Variants in TBC1D22A observed in about 807,000 individuals in gnomAD.
TBC1D22A encodes the protein TBC1 domain family member 22A.
A neutral mutation model predicts 60.2 loss-of-function variants in TBC1D22A; 38 were observed. The ratio of observed to expected loss-of-function variants is 0.63; its 90% CI spans 0.49 to 0.83. The LOEUF (loss-of-function observed/expected upper bound fraction) is 0.83, where lower values mean the gene tolerates loss of function less well. TBC1D22A is among the 40% of genes least tolerant of loss of function. The probability of loss-of-function intolerance (pLI) is 0.00; values close to 1 mark genes in which losing one functional copy is unlikely to be tolerated. For missense variants in TBC1D22A, 628 were observed against 701.0 expected (o/e 0.90, Z 1.18); for synonymous variants, 302 against 281.7 (o/e 1.07, Z -0.72).
chr22:47,057,234 G>A (rs2063423808), intron 11 of TBC1D22A, among the ~76,000 whole-genome samples: 1 of 152,224 alleles, frequency 6.6e-6, no homozygotes, highest in African/African-American at 2.4e-5. Context: ...TGAGCGCTGG[G>A]CAGCTGGCTG....
intron 4 of TBC1D22A, among the ~76,000 whole-genome samples, chr22:46,814,768 C>A (rs1194860098): frequency 6.6e-6 from 1 of 151,790 alleles, no homozygotes; most frequent in African/African-American, 2.4e-5. Flanking sequence ...TGCATCAGCT[C>A]CCGAGTAGCT....
At chr22:47,041,590 G>A (rs1452704953) in intron 11 of TBC1D22A, among the ~76,000 whole-genome samples, 1 of 152,212 alleles carries the variant, frequency 6.6e-6, no homozygotes, top group Non-Finnish European at 1.5e-5. Flanking sequence ...CGGAAGCCCT[G>A]GTGGGTCCAT....
At chr22:46,787,998 G>A (rs1170036093) in intron 1 of TBC1D22A, among the ~76,000 whole-genome samples, 1 of 149,938 alleles carries the variant, frequency 6.7e-6, no homozygotes, top group Non-Finnish European at 1.5e-5. Flanking sequence ...GTGCAGGGGC[G>A]TGATCTCGGC....
At chr22:46,811,646 CT>C (rs1279460766) in intron 4 of TBC1D22A, among the ~76,000 whole-genome samples, 1 of 152,232 alleles carries the variant, frequency 6.6e-6, no homozygotes, top group Non-Finnish European at 1.5e-5. Flanking sequence ...TTCCTAGAGA[CT>C]TACAGAGGCT....
chr22:46,995,899 G>A (rs115574191), intron 9 of TBC1D22A, among the ~76,000 whole-genome samples: 2,743 of 152,218 alleles, frequency 0.018, 64 homozygotes, highest in African/African-American at 0.054. Flanking sequence ...TGCTTGAACC[G>A]TTTTCCAGTC....
intron 10 of TBC1D22A, among the ~76,000 whole-genome samples, chr22:47,020,228 C>T (rs1021401678): frequency 1.3e-5 from 2 of 152,196 alleles, no homozygotes; most frequent in Non-Finnish European, 2.9e-5. Flanking sequence ...CTGCCCCTGC[C>T]TCACACAACC....
chr22:47,059,681 G>A (rs924031616), intron 11 of TBC1D22A, among the ~76,000 whole-genome samples: 1 of 152,252 alleles, frequency 6.6e-6, no homozygotes, highest in African/African-American at 2.4e-5. Flanking sequence ...CCCTCTCTCT[G>A]TCATGAGCTA....
At chr22:47,138,171 G>A (rs1358524598) in intron 12 of TBC1D22A, among the ~76,000 whole-genome samples, 5 of 152,286 alleles carry the variant, frequency 3.3e-5, no homozygotes, top group Middle Eastern at 3.4e-3. Context: ...GCTGTCTCAC[G>A]GCCCATCACT....
At chr22:46,991,765 G>A (rs187737977) in intron 9 of TBC1D22A, among the ~76,000 whole-genome samples, 6 of 152,144 alleles carry the variant, frequency 3.9e-5, no homozygotes, top group South Asian at 2.1e-4. Flanking sequence ...TGACTCCGAC[G>A]TGGCCTTCCA....
In TBC1D22A at chr22:46,855,662, C is replaced by T. The variant is rs758485558; in HGVS notation, c.638-22991C>T. Among the ~76,000 whole-genome samples the T allele has an allele frequency of 5.3e-5, 8 of 152,164 alleles. No homozygotes were observed. In the South Asian group the frequency reaches 1.0e-3, roughly 20 times the overall value. On this transcript the variant is annotated intron_variant, in intron 4 of 12. Coordinates refer to ENST00000337137, the MANE Select transcript of TBC1D22A (RefSeq NM_014346.5). ...GGATTGATGGGGTTCTAGACAGAAG[C>T]GCTCTGGGGCACCAGATCCAGGCTC...
intron 4 of TBC1D22A, among the ~76,000 whole-genome samples, chr22:46,870,275 T>C (rs989407428): frequency 2.0e-5 from 3 of 152,254 alleles, no homozygotes; most frequent in Non-Finnish European, 4.4e-5. Flanking sequence ...TACCCTCTGC[T>C]CTCTGTCTGC....
chr22:46,879,421 C>T (rs867062169), intron 5 of TBC1D22A, among the ~76,000 whole-genome samples: 5 of 152,118 alleles, frequency 3.3e-5, no homozygotes, highest in African/African-American at 1.2e-4. Context: ...CTTCTCTTTT[C>T]CTTTTTCATT....
At chr22:47,006,601 T>G (rs887178004) in intron 10 of TBC1D22A, among the ~76,000 whole-genome samples, 2 of 152,236 alleles carry the variant, frequency 1.3e-5, no homozygotes, top group Non-Finnish European at 2.9e-5. Flanking sequence ...GCCCCGTTGA[T>G]CTGACCCTGT....
At chr22:47,130,797 T>G (rs2066653412) in intron 12 of TBC1D22A, among the ~76,000 whole-genome samples, 1 of 152,202 alleles carries the variant, frequency 6.6e-6, no homozygotes, top group South Asian at 2.1e-4. Flanking sequence ...GTTTCCGGAG[T>G]ACCTACTAGA....
At chr22:46,949,912 G>A (rs2072795888) in intron 8 of TBC1D22A, among the ~76,000 whole-genome samples, 1 of 152,258 alleles carries the variant, frequency 6.6e-6, no homozygotes, top group South Asian at 2.1e-4. Context: ...TGGGGCTGGA[G>A]CAGCCTGAGC....
intron 7 of TBC1D22A, among the ~76,000 whole-genome samples, chr22:46,902,873 T>C (rs2069104215): frequency 6.7e-6 from 1 of 150,308 alleles, no homozygotes; most frequent in South Asian, 2.1e-4. Context: ...TGAAGACAGA[T>C]GTGCGTGAAA....
At chr22:46,802,232 C>T (rs898681644) in intron 4 of TBC1D22A, among the ~76,000 whole-genome samples, 14 of 152,326 alleles carry the variant, frequency 9.2e-5, no homozygotes, top group Admixed American at 7.2e-4. Flanking sequence ...GCGAGGCTTG[C>T]GAGGGCCCTG....
At chr22:46,770,379 G>A (rs1345554082) in intron 1 of TBC1D22A, among the ~76,000 whole-genome samples, 1 of 152,250 alleles carries the variant, frequency 6.6e-6, no homozygotes, top group Non-Finnish European at 1.5e-5. Context: ...CTGACGCCTG[G>A]ACTTCAGTGT....
At chr22:47,070,252 T>TCCCTGTTGTTTGGTTGGACGCTGTC (rs1569416763) in intron 11 of TBC1D22A, among the ~76,000 whole-genome samples, 12 of 145,526 alleles carry the variant, frequency 8.2e-5, no homozygotes, top group African/African-American at 2.6e-4. Flanking sequence ...TCCAGGCTGT[T>TCCCTGTTGTTTGGTTGGACGCTGTC]CCCTGTTGTT....
Sources: gnomAD v4.1 joint callset for allele counts (sites outside exome capture counted in the v4.1 genomes callset) on GRCh38, gnomAD v4.1.1 for gene constraint, MANE v1.5 for transcripts, NCBI Gene and HGNC (gene_info 2026-07-23, HGNC 2026-07-21) for gene names.